The following SREK1 variants were observed in gnomAD, a reference collection of about 807,000 sequenced individuals.
SREK1 encodes the protein splicing regulatory glutamine/lysine-rich protein 1.
Under a neutral mutation model 66.5 loss-of-function variants are expected in SREK1, and 13 were observed. The observed-to-expected ratio is 0.20, with a 90% CI of 0.13 to 0.31. SREK1 has a LOEUF of 0.31. Among genes scored for constraint, SREK1 ranks in the 10% least tolerant of loss-of-function variants. SREK1 has a pLI of 1.00. For missense variants in SREK1, 607 were observed against 769.6 expected, an observed-to-expected ratio of 0.79 and a Z score of 2.50; for synonymous variants, 265 against 263.5, an observed-to-expected ratio of 1.01 and a Z score of -0.05.
chr5:66,158,079 A>G (rs1744439960), intron 2 of SREK1: 1 of 151,862 alleles, frequency 6.6e-6, no homozygotes, highest in African/African-American at 2.4e-5. Context: ...GTGTTCTTCT[A>G]AATATATCCA....
rs116229716 is a variant in SREK1 at position 66,171,587 on chromosome 5, C to A, written c.1484+640C>A. On this transcript the variant is annotated intron_variant, in intron 9 of 11. Transcript: ENST00000334121. Reference sequence around the variant, plus strand: ...CCACATCCTTTACTTCAGATGATACCATGACTGTAAATGGAAGTTCCTAAC... The same window carrying A: ...CCACATCCTTTACTTCAGATGATACAATGACTGTAAATGGAAGTTCCTAAC... 9.9e-3 allele frequency among the ~76,000 whole-genome samples: 1,502 copies of A among 152,174 alleles called. 8 individuals are homozygous for A. Among genetic ancestry groups the A allele is most frequent in the South Asian group, 0.03 (144 of 4,820 alleles).
Position 66,149,282 on chromosome 5 carries a change from G to A in SREK1, c.162-4181G>A, listed in dbSNP as rs188118715. 4.3e-3 allele frequency among the ~76,000 whole-genome samples: 652 copies of A among 152,090 alleles called. 4 individuals are homozygous for A. The highest frequency in any genetic ancestry group is 0.014 in the African/African-American group (598 of 41,508). ...GGAGAATCGCATGAACCCGGGAGGC[G>A]GAGGTTGCAGTGAGCCGGGATCCCG... On this transcript the variant is annotated intron_variant, in intron 1 of 11. Transcript: ENST00000334121.
At chr5:66,146,087 T>G (rs1175940817) in intron 1 of SREK1, among the ~76,000 whole-genome samples, 2 of 152,144 alleles carry the variant, frequency 1.3e-5, no homozygotes, top group Non-Finnish European at 2.9e-5. Flanking sequence ...TTTGATTGAT[T>G]AACCGTGGCA....
intron 7 of SREK1, chr5:66,165,686 A>G (rs1017727918): frequency 6.6e-6 from 1 of 152,278 alleles, no homozygotes; most frequent in African/African-American, 2.4e-5. Flanking sequence ...TTGAAATGTG[A>G]AAGTATGTAT....
At chr5:66,149,129 G>A (rs27398) in intron 1 of SREK1, among the ~76,000 whole-genome samples, 45,555 of 152,030 alleles carry the variant, frequency 0.3, 7,736 homozygotes, top group East Asian at 0.46. Context: ...CGAGGCAGGC[G>A]GATCACGAGG....
At position 66,183,073 on chromosome 5, in the gene SREK1, T is replaced by C. The variant is rs758688711; in HGVS notation, c.*4205T>C. The C allele has an allele frequency of 2.6e-5, 4 of 152,226 alleles. No homozygotes were observed. Among genetic ancestry groups the C allele is most frequent in the Non-Finnish European group, 1.5e-5 (1 of 68,028 alleles). The allele number at this position is 152,226 out of a possible 1,614,324, so 9.4% of individuals were successfully genotyped here. On this transcript the variant is annotated 3_prime_UTR_variant, in exon 12 of 12. Transcript: ENST00000334121. ...AGGTTTTAAGTCTGTTGCCTGATTT[T>C]TAAATTTATATCTAGTTAACATTTT...
intron 6 of SREK1, 68 bp from the exon 7 acceptor site, chr5:66,164,715 T>G (rs1378649256): frequency 4.3e-5 from 70 of 1,612,248 alleles, no homozygotes; most frequent in Non-Finnish European, 5.8e-5. Context: ...ATTCCACTTG[T>G]GCCTGATTAT....
chr5:66,150,062 A>G (rs1209866761), intron 1 of SREK1, among the ~76,000 whole-genome samples: 1 of 152,214 alleles, frequency 6.6e-6, no homozygotes, highest in African/African-American at 2.4e-5. Flanking sequence ...GTCACCTTCC[A>G]GCCCAATAGA....
rs1288638061 is a variant in SREK1 at position 66,181,547 on chromosome 5, C to T, written c.*2679C>T. The T allele has an allele frequency of 1.3e-5, 2 of 152,148 alleles. No homozygotes were observed. The highest frequency in any genetic ancestry group is 4.8e-5 in the African/African-American group (2 of 41,426). The allele number at this position is 152,148 out of a possible 1,614,324, so 9.4% of individuals were successfully genotyped here. On this transcript the variant is annotated 3_prime_UTR_variant, in exon 12 of 12. Coordinates refer to ENST00000334121, the MANE Select transcript of SREK1 (RefSeq NM_001077199.3). Reference sequence around the variant, plus strand: ...TTGTAGCTTGATTACATAGAGTACCCTCTCTTCCTTAAGTTGTAGTTGCTA... The same window carrying T: ...TTGTAGCTTGATTACATAGAGTACCTTCTCTTCCTTAAGTTGTAGTTGCTA...
intron 9 of SREK1, 105 bp downstream of exon 9, chr5:66,171,052 A>T: frequency 7.6e-7 from 1 of 1,324,192 alleles, no homozygotes; most frequent in Non-Finnish European, 1.0e-6. Flanking sequence ...TGGAACCTGT[A>T]AAGTAATATA....
intron 9 of SREK1, among the ~76,000 whole-genome samples, chr5:66,173,298 T>A (rs557572467): frequency 6.6e-6 from 1 of 152,332 alleles, no homozygotes; most frequent in South Asian, 2.1e-4. Flanking sequence ...TTAAATAATT[T>A]TTTAATGCTT....
intron 1 of SREK1, among the ~76,000 whole-genome samples, chr5:66,146,611 T>G (rs1168429506): frequency 6.6e-6 from 1 of 152,064 alleles, no homozygotes; most frequent in African/African-American, 2.4e-5. Flanking sequence ...ACTAGATCCC[T>G]CATTCATGTT....
intron 2 of SREK1, 116 bp from the exon 3 acceptor site, chr5:66,159,103 A>T: frequency 7.0e-7 from 1 of 1,435,578 alleles, no homozygotes; most frequent in South Asian, 1.5e-5. Flanking sequence ...TACAGATCTG[A>T]TAGATAGATT....
chr5:66,149,643 T>G (rs1743588618), intron 1 of SREK1, among the ~76,000 whole-genome samples: 1 of 152,206 alleles, frequency 6.6e-6, no homozygotes, highest in Admixed American at 6.5e-5. Flanking sequence ...TTACATTCCT[T>G]CACAAAAGGA....
At chr5:66,174,836 T>G in intron 9 of SREK1, 110 bp from the exon 10 acceptor site, 1 of 973,232 alleles carries the variant, frequency 1.0e-6, no homozygotes, top group East Asian at 2.7e-5. Context: ...AACTGGCCTC[T>G]AAAGAATACT....
At chr5:66,144,655 T>A in intron 1 of SREK1, 118 bp downstream of exon 1, 16 of 1,419,102 alleles carry the variant, frequency 1.1e-5, no homozygotes, top group Non-Finnish European at 1.5e-5. Context: ...TCGCGCCGGC[T>A]TACCTTGGTG....
intron 2 of SREK1, chr5:66,158,859 C>T (rs907228921): frequency 2.3e-6 from 3 of 1,291,818 alleles, no homozygotes; most frequent in Non-Finnish European, 3.0e-6. Context: ...TTTCGATCAC[C>T]GCGAAAACAC....
intron 3 of SREK1, among the ~76,000 whole-genome samples, chr5:66,160,023 G>A (rs1473282501): frequency 2.6e-5 from 4 of 152,098 alleles, no homozygotes; most frequent in African/African-American, 9.7e-5. Flanking sequence ...CCAGCTGCTC[G>A]GGAGGCCGAG....
chr5:66,144,821 G>A (rs1743011889), intron 1 of SREK1: 7 of 1,132,382 alleles, frequency 6.2e-6, no homozygotes, highest in Non-Finnish European at 6.5e-6. Context: ...TTCGAATTCC[G>A]TGCCCCCACC....
Sources: gnomAD v4.1 joint callset for allele counts (sites outside exome capture counted in the v4.1 genomes callset) on GRCh38, gnomAD v4.1.1 for gene constraint, MANE v1.5 for transcripts, NCBI Gene and HGNC (gene_info 2026-07-23, HGNC 2026-07-21) for gene names.